MCU: variants seen among roughly 807,000 people sequenced by gnomAD.
MCU encodes mitochondrial calcium uniporter.
MCU carries 12 observed loss-of-function variants against 45.2 expected under a neutral mutation model. The ratio of observed to expected loss-of-function variants is 0.27; its 90% CI spans 0.17 to 0.43. The LOEUF (loss-of-function observed/expected upper bound fraction) is 0.43. Among genes scored for constraint, MCU ranks in the 20% least tolerant of loss-of-function variants. The pLI is 1.00. For synonymous variants in MCU, 160 were observed against 165.1 expected, an observed-to-expected ratio of 0.97 and a Z score of 0.24; for missense variants, 324 against 436.7, an observed-to-expected ratio of 0.74 and a Z score of 2.30.
At chr10:72,717,779 A>G (rs560088128) in intron 1 of MCU, among the ~76,000 whole-genome samples, 13 of 152,196 alleles carry the variant, frequency 8.5e-5, no homozygotes, top group Non-Finnish European at 1.9e-4. Flanking sequence ...TGTGTCTAAC[A>G]GCTTTAAAAG....
chr10:72,841,148 C>T (rs1845041732), intron 2 of MCU, among the ~76,000 whole-genome samples: 1 of 152,054 alleles, frequency 6.6e-6, no homozygotes, highest in South Asian at 2.1e-4. Context: ...GCAGTTAGTT[C>T]CTAGTTTTTG....
intron 4 of MCU, among the ~76,000 whole-genome samples, chr10:72,866,663 G>C (rs1347045430): frequency 6.6e-6 from 1 of 152,168 alleles, no homozygotes; most frequent in East Asian, 1.9e-4. Flanking sequence ...CCAAAGTGCT[G>C]GGATTACAGG....
intron 1 of MCU, among the ~76,000 whole-genome samples, chr10:72,805,104 T>C (rs889548716): frequency 1.1e-5 from 1 of 92,696 alleles, no homozygotes; most frequent in Admixed American, 1.2e-4. Flanking sequence ...TTTCTTTCTC[T>C]TTCTTTCTTT....
At chr10:72,709,208 G>A (rs1842859608) in intron 1 of MCU, among the ~76,000 whole-genome samples, 1 of 152,156 alleles carries the variant, frequency 6.6e-6, no homozygotes, top group South Asian at 2.1e-4. Flanking sequence ...CTAGTCTTGT[G>A]TATTTCCATT....
At chr10:72,796,841 T>G (rs1344238274) in intron 1 of MCU, among the ~76,000 whole-genome samples, 1 of 152,102 alleles carries the variant, frequency 6.6e-6, no homozygotes, top group African/African-American at 2.4e-5. Flanking sequence ...TTCTATTTCC[T>G]CCTTGACCAA....
chr10:72,813,081 A>AT (rs1281574409), intron 1 of MCU, among the ~76,000 whole-genome samples: 1 of 152,104 alleles, frequency 6.6e-6, no homozygotes. Context: ...AACATTCTGG[A>AT]TTTTTTATAT....
chr10:72,727,188 A>G (rs1843113121), intron 1 of MCU, among the ~76,000 whole-genome samples: 2 of 152,212 alleles, frequency 1.3e-5, no homozygotes, highest in African/African-American at 4.8e-5. Flanking sequence ...CAGTGCTCAG[A>G]GAGGGAATGC....
At chr10:72,832,684 A>G (rs1273348619) in intron 1 of MCU, among the ~76,000 whole-genome samples, 2 of 152,148 alleles carry the variant, frequency 1.3e-5, no homozygotes. Context: ...TTGAGAATTT[A>G]CTCTATGCCA....
At chr10:72,742,780 G>A (rs1485497271) in intron 1 of MCU, among the ~76,000 whole-genome samples, 2 of 152,148 alleles carry the variant, frequency 1.3e-5, no homozygotes, top group African/African-American at 4.8e-5. Context: ...CATTAGGGGA[G>A]ACAGAAAACA....
chr10:72,708,782 T>G (rs1842854471), intron 1 of MCU, among the ~76,000 whole-genome samples: 1 of 152,166 alleles, frequency 6.6e-6, no homozygotes, highest in Non-Finnish European at 1.5e-5. Context: ...CAGTTTCGAT[T>G]GTGCTGAAAC....
chr10:72,736,179 G>T (rs1843250061), intron 1 of MCU, among the ~76,000 whole-genome samples: 1 of 152,124 alleles, frequency 6.6e-6, no homozygotes, highest in Non-Finnish European at 1.5e-5. Flanking sequence ...ATGGACGTTG[G>T]ATATATGGAT....
chr10:72,830,117 A>G (rs1239196538), intron 1 of MCU, among the ~76,000 whole-genome samples: 2 of 152,124 alleles, frequency 1.3e-5, no homozygotes, highest in African/African-American at 4.8e-5. Flanking sequence ...TGTTGCAGCT[A>G]CTCAACTCTT....
intron 1 of MCU, among the ~76,000 whole-genome samples, chr10:72,695,223 TTAC>T (rs1440839858): frequency 1.3e-5 from 2 of 152,210 alleles, no homozygotes; most frequent in African/African-American, 2.4e-5. Flanking sequence ...CTATGCTGAA[TTAC>T]TACATCTTTT....
At chr10:72,698,641 G>T (rs1215609692) in intron 1 of MCU, among the ~76,000 whole-genome samples, 1 of 152,056 alleles carries the variant, frequency 6.6e-6, no homozygotes, top group East Asian at 1.9e-4. Flanking sequence ...AGTAGATGGG[G>T]CTAAAGGCAC....
At chr10:72,742,232 A>C (rs575097039) in intron 1 of MCU, among the ~76,000 whole-genome samples, 2 of 151,758 alleles carry the variant, frequency 1.3e-5, no homozygotes, top group Admixed American at 1.3e-4. Flanking sequence ...AGGACATACC[A>C]TATGTCCTAG....
At chr10:72,834,267 G>T in intron 1 of MCU, 92 bp from the exon 2 acceptor site, 1 of 776,984 alleles carries the variant, frequency 1.3e-6, no homozygotes, top group South Asian at 2.6e-5. Flanking sequence ...TATTACTTAA[G>T]TAATCATATG....
At chr10:72,737,402 G>A (rs1289728293) in intron 1 of MCU, among the ~76,000 whole-genome samples, 3 of 152,220 alleles carry the variant, frequency 2.0e-5, no homozygotes, top group African/African-American at 7.2e-5. Context: ...ACTTTAAAGA[G>A]CATATAGTCT....
intron 1 of MCU, among the ~76,000 whole-genome samples, chr10:72,740,407 T>C (rs1222349747): frequency 6.6e-6 from 1 of 151,734 alleles, no homozygotes; most frequent in Non-Finnish European, 1.5e-5. Context: ...GTTATCTTCA[T>C]GATTTTCTCA....
intron 1 of MCU, among the ~76,000 whole-genome samples, chr10:72,799,116 G>A (rs1844297839): frequency 6.6e-6 from 1 of 151,468 alleles, no homozygotes; most frequent in East Asian, 1.9e-4. Context: ...TAGTAGAGAC[G>A]GGGTTTCACC....
Sources: gnomAD v4.1 joint callset for allele counts (sites outside exome capture counted in the v4.1 genomes callset) on GRCh38, gnomAD v4.1.1 for gene constraint, MANE v1.5 for transcripts, NCBI Gene and HGNC (gene_info 2026-07-23, HGNC 2026-07-21) for gene names.